TAF2: variants seen among roughly 807,000 people sequenced by gnomAD.
The protein encoded by TAF2 is transcription initiation factor TFIID subunit 2.
In TAF2, 61 loss-of-function variants were observed where a neutral mutation model predicts 138.5. The observed-to-expected ratio is 0.44, with a 90% confidence interval of 0.36 to 0.54. The LOEUF is 0.54. Ranked by LOEUF, TAF2 falls within the 20% of genes least tolerant of loss-of-function variation. The pLI is 0.00. For missense variants in TAF2, 1,090 were observed against 1,427.9 expected, an observed-to-expected ratio of 0.76 and a Z score of 3.81; for synonymous variants, 475 against 469.9, an observed-to-expected ratio of 1.01 and a Z score of -0.14.
At chr8:119,802,054 T>G (rs777533834) in intron 5 of TAF2, 29 bp from the exon 6 acceptor site, 1 of 1,557,882 alleles carries the variant, frequency 6.4e-7, no homozygotes, top group Non-Finnish European at 8.8e-7. Context: ...GTATAGAAAA[T>G]GTATTCAAAG....
At chr8:119,774,730 T>C (rs1394311746) in intron 18 of TAF2, among the ~76,000 whole-genome samples, 1 of 152,166 alleles carries the variant, frequency 6.6e-6, no homozygotes, top group African/African-American at 2.4e-5. Flanking sequence ...TTATATGCTC[T>C]TAGTCTTGTT....
chr8:119,819,556 G>C (rs1355257387), intron 2 of TAF2, 50 bp from the exon 3 acceptor site: 1 of 1,468,752 alleles, frequency 6.8e-7, no homozygotes, highest in South Asian at 1.1e-5. Context: ...GTATGTTTCA[G>C]AATATATTTC....
chr8:119,816,760 A>C (rs1825505043), intron 3 of TAF2, among the ~76,000 whole-genome samples: 1 of 152,186 alleles, frequency 6.6e-6, no homozygotes, highest in Admixed American at 6.5e-5. Flanking sequence ...ATGTCTTATG[A>C]ATCTTAAAAA....
At chr8:119,809,913 T>C (rs991983560) in intron 3 of TAF2, among the ~76,000 whole-genome samples, 1 of 147,472 alleles carries the variant, frequency 6.8e-6, no homozygotes, top group East Asian at 2.0e-4. Flanking sequence ...AAATGTGACA[T>C]AGAGACATGA....
chr8:119,785,163 A>G, intron 15 of TAF2, 38 bp downstream of exon 15: 2 of 1,530,266 alleles, frequency 1.3e-6, no homozygotes, highest in Non-Finnish European at 1.8e-6. Flanking sequence ...GAGAATGCAG[A>G]AAGTATTATA....
chr8:119,826,072 G>A (rs1370711669), intron 2 of TAF2, among the ~76,000 whole-genome samples: 2 of 151,838 alleles, frequency 1.3e-5, no homozygotes, highest in Non-Finnish European at 2.9e-5. Flanking sequence ...GAGAACACAT[G>A]GACACAGGGA....
At chr8:119,795,740 G>T in intron 8 of TAF2, 109 bp from the exon 9 acceptor site, 4 of 996,124 alleles carry the variant, frequency 4.0e-6, no homozygotes, top group Non-Finnish European at 6.1e-6. Flanking sequence ...CCTTCATAAA[G>T]AAAATGAAAA....
At chr8:119,751,974 T>G (rs1820383803) in intron 22 of TAF2, among the ~76,000 whole-genome samples, 1 of 152,138 alleles carries the variant, frequency 6.6e-6, no homozygotes, top group Admixed American at 6.6e-5. Flanking sequence ...ATTGTCGATA[T>G]GTAGAATGAC....
intron 4 of TAF2, among the ~76,000 whole-genome samples, chr8:119,805,497 G>A (rs1215226789): frequency 6.6e-6 from 1 of 152,078 alleles, no homozygotes; most frequent in Non-Finnish European, 1.5e-5. Context: ...CCTGAGGTCA[G>A]GAGTTCGAGA....
At chr8:119,824,254 C>T (rs1431040363) in intron 2 of TAF2, among the ~76,000 whole-genome samples, 1 of 151,840 alleles carries the variant, frequency 6.6e-6, no homozygotes, top group African/African-American at 2.4e-5. Flanking sequence ...GACAGTGAAA[C>T]CCCATCTCTA....
chr8:119,769,165 T>C (rs1821653614), intron 18 of TAF2, among the ~76,000 whole-genome samples: 1 of 152,154 alleles, frequency 6.6e-6, no homozygotes, highest in Admixed American at 6.6e-5. Flanking sequence ...GGCTCTTACC[T>C]GGAAGCACCA....
chr8:119,778,172 C>T, intron 17 of TAF2, 43 bp from the exon 18 acceptor site: 1 of 1,135,212 alleles, frequency 8.8e-7, no homozygotes, highest in Non-Finnish European at 1.3e-6. Context: ...CAGAACCTAA[C>T]TTTTTGTTAC....
At chr8:119,740,662 C>CAAAAAA (rs773347068) in intron 25 of TAF2, among the ~76,000 whole-genome samples, 8 of 51,350 alleles carry the variant, frequency 1.6e-4, no homozygotes, top group Non-Finnish European at 1.6e-4. Flanking sequence ...GAGACTGTCT[C>CAAAAAA]AAAAAAAAAA....
chr8:119,825,324 C>T (rs1826028330), intron 2 of TAF2, among the ~76,000 whole-genome samples: 1 of 152,236 alleles, frequency 6.6e-6, no homozygotes, highest in Non-Finnish European at 1.5e-5. Context: ...TACCCATTGC[C>T]TGTACTCTCA....
chr8:119,798,180 CCT>C (rs1436638073), intron 6 of TAF2, among the ~76,000 whole-genome samples: 1 of 152,016 alleles, frequency 6.6e-6, no homozygotes, highest in African/African-American at 2.4e-5. Context: ...TATAAACATA[CCT>C]CTTATTCATA....
chr8:119,805,373 T>A (rs1452066764), intron 4 of TAF2, among the ~76,000 whole-genome samples: 1 of 152,150 alleles, frequency 6.6e-6, no homozygotes, highest in Non-Finnish European at 1.5e-5. Context: ...TCTAAACTAA[T>A]TTGATATTGT....
At chr8:119,745,003 T>C (rs1024860933) in intron 23 of TAF2, 4 of 456,108 alleles carry the variant, frequency 8.8e-6, no homozygotes, top group African/African-American at 2.0e-5. Context: ...GCTGATATAT[T>C]ACATGATGCT....
chr8:119,811,588 C>T (rs1467533858), intron 3 of TAF2, among the ~76,000 whole-genome samples: 4 of 151,920 alleles, frequency 2.6e-5, no homozygotes, highest in East Asian at 1.9e-4. Flanking sequence ...GGGCAGATCA[C>T]GAGGTCAGGA....
intron 2 of TAF2, among the ~76,000 whole-genome samples, chr8:119,825,746 G>C (rs191211910): frequency 2.0e-5 from 3 of 152,220 alleles, no homozygotes; most frequent in Admixed American, 2.0e-4. Flanking sequence ...GGGCAGTGGT[G>C]CGATCTTGGC....
Sources: gnomAD v4.1 joint callset for allele counts (sites outside exome capture counted in the v4.1 genomes callset) on GRCh38, gnomAD v4.1.1 for gene constraint, MANE v1.5 for transcripts, NCBI Gene and HGNC (gene_info 2026-07-23, HGNC 2026-07-21) for gene names.